The following FPGS variants were observed in gnomAD, a reference collection of about 807,000 sequenced individuals.
The protein encoded by FPGS is folylpolyglutamate synthase, also known as folylpolyglutamate synthase, mitochondrial.
In FPGS, 53 loss-of-function variants were observed where a neutral mutation model predicts 66.5. The ratio of observed to expected loss-of-function variants is 0.80; its 90% CI spans 0.64 to 1.00. The LOEUF (loss-of-function observed/expected upper bound fraction) is 1.00, where lower values mean the gene tolerates loss of function less well. Among genes scored for constraint, FPGS ranks in the 50% least tolerant of loss-of-function variants. FPGS has a pLI of 0.00. For synonymous variants in FPGS, 348 were observed against 350.9 expected, an observed-to-expected ratio of 0.99 and a Z score of 0.09; for missense variants, 702 against 807.7, an observed-to-expected ratio of 0.87 and a Z score of 1.59.
chr9:127,804,835 C>G, intron 4 of FPGS, 135 bp downstream of exon 4: 1 of 794,822 alleles, frequency 1.3e-6, no homozygotes, highest in Non-Finnish European at 2.2e-6. Flanking sequence ...TTTATTCATT[C>G]AATAAACATT....
chr9:127,813,645 C>T lies in FPGS; in HGVS notation c.*41C>T, dbSNP rs763208619. On this transcript the variant is annotated 3_prime_UTR_variant, in exon 15 of 15. Transcript: ENST00000373247. ...GGAGGTGGGAGCTTCCCACACCTGC[C>T]TGCGTTCTCCCCATGAACTTACATA... is the stretch of plus-strand genomic sequence containing the variant. 1 of 1,496,198 alleles carries T rather than the reference C, an allele frequency of 6.7e-7. No individual in the cohort carries two copies. The highest frequency in any genetic ancestry group is 8.9e-7 in the Non-Finnish European group (1 of 1,122,770). The allele number at this position is 1,496,198 out of a possible 1,614,324, so 92.7% of individuals were successfully genotyped here.
Position 127,806,845 on chromosome 9 carries a change from G to A in FPGS, c.387-128G>A. The A allele has an allele frequency of 2.9e-6, 2 of 694,870 alleles. 1 individual carries two copies. The highest frequency in any genetic ancestry group is 3.3e-5 in the South Asian group (2 of 60,962). The allele number at this position is 694,870 out of a possible 1,614,324, so 43.0% of individuals were successfully genotyped here. A position where few individuals can be genotyped will look rare whatever the true frequency, so the allele number is the denominator to read the frequency against. On this transcript the variant is annotated intron_variant, in intron 4 of 14. Coordinates refer to ENST00000373247, the MANE Select transcript of FPGS (RefSeq NM_004957.6). ...GCTACAGATAGTCCGGGGGGATGGGGCACCAGGAACAAACCGAGGGACACA... is the reference window on the plus strand; with the variant it reads ...GCTACAGATAGTCCGGGGGGATGGGACACCAGGAACAAACCGAGGGACACA...
Position 127,810,965 on chromosome 9 carries a change from C to A in FPGS, c.1308C>A (p.Ala436=). ...KLLQPCQFDY[A]VFCPNLTEVS... ...TCTAGCCCTGCCAGTTTGACTATGC[C>A]GTCTTCTGCCCTAACCTGACAGAGG... Residue 436 remains alanine, a synonymous_variant, in exon 14 of 15, where the codon GCC becomes GCA. Coordinates refer to ENST00000373247, the MANE Select transcript of FPGS (RefSeq NM_004957.6). 3 of 1,582,254 alleles carry A rather than the reference C, an allele frequency of 1.9e-6. No individual in the cohort carries two copies. Among genetic ancestry groups the A allele is most frequent in the Non-Finnish European group, 1.7e-6 (2 of 1,161,512 alleles).
Position 127,809,760 on chromosome 9 carries a change from G to A in FPGS, c.1137G>A (p.Ala379=). The A allele has an allele frequency of 5.1e-6, 8 of 1,570,042 alleles. No individual in the cohort carries two copies. Among genetic ancestry groups the A allele is most frequent in the Non-Finnish European group, 6.0e-6 (7 of 1,167,230 alleles). The change falls in exon 12 of 15, where the codon GCG becomes GCA. Residue 379 remains alanine (A), a synonymous_variant. Coordinates refer to ENST00000373247, the MANE Select transcript of FPGS (RefSeq NM_004957.6). The part of the protein sequence containing the change: ...RGPLTWYLDG[A]HTASSAQACV... ...CCCTCACCTGGTACCTGGACGGTGCGCACACCGCCAGCAGCGCGCAGGCCT... is the reference window on the plus strand; with the variant it reads ...CCCTCACCTGGTACCTGGACGGTGCACACACCGCCAGCAGCGCGCAGGCCT...
chr9:127,807,372 GC>G lies in FPGS; in HGVS notation c.580-47del. 6.2e-7 allele frequency: 1 copy of G among 1,612,486 alleles called. No homozygotes were observed. The highest frequency in any genetic ancestry group is 8.5e-7 in the Non-Finnish European group (1 of 1,178,724). Reference sequence around the variant, plus strand: ...CCTGGGGGCTCCCTGCTTCCATGCGGCCTCTGGGCACCCTCATATCCCCTGC... The same window carrying G: ...CCTGGGGGCTCCCTGCTTCCATGCGGCTCTGGGCACCCTCATATCCCCTGC... On this transcript the variant is annotated intron_variant, in intron 6 of 14. Coordinates refer to ENST00000373247, the MANE Select transcript of FPGS (RefSeq NM_004957.6). This position sits in a 1 kb window ranked among gnomAD's most constrained non-coding sequence, Gnocchi z 5.8.
In FPGS at chr9:127,807,312, G is replaced by A; in HGVS notation, c.579+26G>A. 2.5e-6 allele frequency: 4 copies of A among 1,613,800 alleles called. No individual in the cohort carries two copies. Among genetic ancestry groups the A allele is most frequent in the Non-Finnish European group, 3.4e-6 (4 of 1,179,750 alleles). Reference sequence around the variant, plus strand: ...GTGTGTGCCCTCTCCCTAGAACCCTGCATCTGAGGCCTTGGGAACGGGAAC... The same window carrying A: ...GTGTGTGCCCTCTCCCTAGAACCCTACATCTGAGGCCTTGGGAACGGGAAC... On this transcript the variant is annotated intron_variant, in intron 6 of 14. Coordinates refer to ENST00000373247, the MANE Select transcript of FPGS (RefSeq NM_004957.6). This position sits in a 1 kb window ranked among gnomAD's most constrained non-coding sequence, Gnocchi z 5.8.
Position 127,813,396 on chromosome 9 carries a change from G to A in FPGS, c.1556G>A (p.Cys519Tyr), listed in dbSNP as rs1477834915. Residue 519 changes from cysteine to tyrosine, a missense_variant, in exon 15 of 15, where the codon TGC becomes TAC. Physicochemically the swap from Cys to Tyr is radical, Grantham distance 194 (BLOSUM62 -2). Around this residue, in one of 3 missense-constraint regions of FPGS, gnomAD observed 351 missense variants for 363.7 expected, o/e 0.97. Coordinates refer to ENST00000373247, the MANE Select transcript of FPGS (RefSeq NM_004957.6). Reference sequence around the variant, plus strand: ...AGTGCCAGCTCCCTCGTCTTCAGCTGCATTTCACATGCCTTGCAATGGATC... The same window carrying A: ...AGTGCCAGCTCCCTCGTCTTCAGCTACATTTCACATGCCTTGCAATGGATC... The part of the protein sequence containing the change: ...TCSASSLVFS[C>Y]ISHALQWISQ... The A allele has an allele frequency of 1.9e-6, 3 of 1,609,748 alleles. No homozygotes were observed. The highest frequency in any genetic ancestry group is 2.2e-5 in the East Asian group (1 of 44,794).
In FPGS at chr9:127,813,801, T is replaced by C. The variant is rs2131865272; in HGVS notation, c.*197T>C. ...GCCTTGGTCTCTCCTTCCTCTTGGC[T>C]GAGATAGCAGAGGGGCTCCCCGGGT... On this transcript the variant is annotated 3_prime_UTR_variant, in exon 15 of 15. Transcript: ENST00000373247. 3 of 1,274,198 alleles carry C rather than the reference T, an allele frequency of 2.4e-6. No individual in the cohort carries two copies. The South Asian group carries it at 9.2e-5, about 39-fold the overall frequency. 78.9% of individuals were successfully genotyped at this position (1,274,198 alleles called of 1,614,324 possible).
At chr9:127,809,481 T>C (rs1309445479) in intron 11 of FPGS, among the ~76,000 whole-genome samples, 1 of 152,042 alleles carries the variant, frequency 6.6e-6, no homozygotes, top group Non-Finnish European at 1.5e-5. Flanking sequence ...CCTTTCAGGG[T>C]TGCCTGAAAG....
At position 127,807,431 on chromosome 9, in the gene FPGS, C is replaced by T; in HGVS notation, c.590C>T (p.Ala197Val). Reference protein sequence around the residue: ...HVFLQEKVDLAVVEVGIGGAY... With the variant: ...HVFLQEKVDLVVVEVGIGGAY... The stretch of plus-strand genomic sequence containing the variant: ...TCTGGTCTTTGACAGGTGGACCTGG[C>T]AGTGGTGGAGGTGGGCATTGGCGGG... Residue 197 changes from alanine to valine, a missense_variant, in exon 7 of 15, where the codon GCA (alanine) becomes GTA (valine). Physicochemically the swap from Ala to Val is moderately conservative, Grantham distance 64. Coordinates refer to ENST00000373247, the MANE Select transcript of FPGS (RefSeq NM_004957.6). The surrounding 1 kb of genome is among the most constrained non-coding windows in gnomAD (Gnocchi z 5.8). 6.2e-7 allele frequency: 1 copy of T among 1,614,012 alleles called. No individual in the cohort carries two copies. The highest frequency in any genetic ancestry group is 1.1e-5 in the South Asian group (1 of 91,070).
intron 4 of FPGS, 199 bp from the exon 5 acceptor site, chr9:127,806,774 A>G: frequency 1.7e-6 from 1 of 592,144 alleles, no homozygotes; most frequent in Non-Finnish European, 3.0e-6. Flanking sequence ...GAATAGGGTG[A>G]GCCAGGTGCA....
Position 127,808,785 on chromosome 9 carries a change from T to A in FPGS, c.971-15T>A. On this transcript the variant is annotated splice_polypyrimidine_tract_variant and intron_variant, in intron 10 of 14. Transcript: ENST00000373247. ...AGGAGGGTCCCGGACACACTTGGTCTCACACACCCCGCAGGTGCTGGGGAG... is the reference window on the plus strand; with the variant it reads ...AGGAGGGTCCCGGACACACTTGGTCACACACACCCCGCAGGTGCTGGGGAG... 1 of 1,556,068 alleles carries A rather than the reference T, an allele frequency of 6.4e-7. No homozygotes were observed. Among genetic ancestry groups the A allele is most frequent in the Non-Finnish European group, 8.7e-7 (1 of 1,149,678 alleles).
chr9:127,807,530 T>C lies in FPGS; in HGVS notation c.641+48T>C. 6.2e-7 allele frequency: 1 copy of C among 1,612,328 alleles called. No homozygotes were observed. The highest frequency in any genetic ancestry group is 8.5e-7 in the Non-Finnish European group (1 of 1,178,720). On this transcript the variant is annotated intron_variant, in intron 7 of 14. Coordinates refer to ENST00000373247, the MANE Select transcript of FPGS (RefSeq NM_004957.6). The surrounding 1 kb of genome is among the most constrained non-coding windows in gnomAD (Gnocchi z 5.8). ...AGGGGTGGCAGCCAGGAGCACAGCC[T>C]CACCTGCCGCCTGGTGGCTCAGGGC... is the stretch of plus-strand genomic sequence containing the variant.
At chr9:127,809,572 G>A (rs967433982) in intron 11 of FPGS, 112 bp from the exon 12 acceptor site, 2 of 1,084,160 alleles carry the variant, frequency 1.8e-6, no homozygotes, top group Non-Finnish European at 2.5e-6. Flanking sequence ...GGGGTCCTGA[G>A]TGTTGAGGGC....
rs780523393 is a variant in FPGS, at chr9:127,804,291, G to A, written c.145G>A (p.Val49Met). The change falls in exon 2 of 15, where the codon GTG (valine) becomes ATG (methionine). Residue 49 changes from valine to methionine, a missense_variant. By Grantham distance (21) the Val-to-Met change is conservative. Around this residue, in one of 3 missense-constraint regions of FPGS, gnomAD observed 111 missense variants for 95.4 expected, o/e 1.16. Coordinates refer to ENST00000373247, the MANE Select transcript of FPGS (RefSeq NM_004957.6). Reference protein sequence around the residue: ...QEPSMEYQDAVRMLNTLQTNA... With the variant: ...QEPSMEYQDAMRMLNTLQTNA... ...TGGGCACTGTGGTTGCCAGGATGCC[G>A]TGCGCATGCTCAATACCCTGCAGAC... 7 of 1,613,906 alleles carry A rather than the reference G, an allele frequency of 4.3e-6. No homozygotes were observed. Among genetic ancestry groups the A allele is most frequent in the Admixed American group, 3.3e-5 (2 of 59,978 alleles).
rs750479758 is a variant in FPGS at position 127,808,691 on chromosome 9, G to A, written c.956G>A (p.Arg319Gln). 9.4e-6 allele frequency: 15 copies of A among 1,589,216 alleles called. No individual in the cohort carries two copies. The highest frequency in any genetic ancestry group is 4.5e-5 in the South Asian group (4 of 88,058). ...CAGCTGGCCCACTGCTGGCTGCAGC[G>A]GCAGGACCGCCATGGTGAGTGGGCA... The part of the protein sequence containing the change: ...ALQLAHCWLQ[R>Q]QDRHGAGEPK... Residue 319 changes from arginine (R) to glutamine (Q), a missense_variant, in exon 10 of 15, where the codon CGG (arginine) becomes CAG (glutamine). Physicochemically the swap from Arg to Gln is conservative, Grantham distance 43 (BLOSUM62 1). Coordinates refer to ENST00000373247, the MANE Select transcript of FPGS (RefSeq NM_004957.6).
rs1290293194 is a variant in FPGS at position 127,808,701 on chromosome 9, C to T, written c.966C>T (p.Arg322=). The part of the protein sequence containing the change: ...LAHCWLQRQD[R]HGAGEPKASR... ...ACTGCTGGCTGCAGCGGCAGGACCG[C>T]CATGGTGAGTGGGCAGCTGAGTGGG... The change falls in exon 10 of 15, where the codon CGC becomes CGT. Residue 322 remains arginine (R), a synonymous_variant. Transcript: ENST00000373247. The T allele has an allele frequency of 1.9e-6, 3 of 1,584,622 alleles. No individual in the cohort carries two copies. Among genetic ancestry groups the T allele is most frequent in the Middle Eastern group, 3.3e-4 (2 of 5,980 alleles).
Position 127,804,416 on chromosome 9 carries a change from A to G in FPGS, c.267+3A>G. On this transcript the variant is annotated splice_donor_region_variant and intron_variant, in intron 2 of 14. Coordinates refer to ENST00000373247, the MANE Select transcript of FPGS (RefSeq NM_004957.6). ...ACCTGGCACGGAGTGGGCTGCAGGT[A>G]AGGTAGAGAGGGCCTGTGACCACCT... 1 of 1,614,140 alleles carries G rather than the reference A, an allele frequency of 6.2e-7. No homozygotes were observed. Among genetic ancestry groups the G allele is most frequent in the South Asian group, 1.1e-5 (1 of 91,088 alleles).
chr9:127,813,106 A>G (rs1259602062), intron 14 of FPGS, 89 bp from the exon 15 acceptor site: 1 of 1,490,412 alleles, frequency 6.7e-7, no homozygotes, highest in Non-Finnish European at 8.9e-7. Context: ...GGTGCGAAGC[A>G]GGTGCTCACG....
Sources: allele counts gnomAD v4.1 joint callset (sites outside exome capture counted in the v4.1 genomes callset), GRCh38; gene constraint gnomAD v4.1.1; regional missense constraint gnomAD v4.1.1; non-coding constraint Gnocchi (gnomAD v3.1); transcripts MANE v1.5; gene names NCBI Gene and HGNC (gene_info 2026-07-23, HGNC 2026-07-21).